ZPLD1: variants seen among roughly 807,000 people sequenced by gnomAD.
ZPLD1 encodes zona pellucida-like domain-containing protein 1.
Under a neutral mutation model 47.2 loss-of-function variants are expected in ZPLD1, and 34 were observed. The ratio of observed to expected loss-of-function variants is 0.72; its 90% confidence interval spans 0.55 to 0.96. The LOEUF (loss-of-function observed/expected upper bound fraction) is 0.96, where lower values mean the gene tolerates loss of function less well. ZPLD1 is among the 40% of genes least tolerant of loss of function. ZPLD1 has a pLI of 0.00. For synonymous variants in ZPLD1, 176 were observed against 186.2 expected (o/e 0.95, Z 0.45); for missense variants, 512 against 505.8 (o/e 1.01, Z -0.12).
intron 10 of ZPLD1, among the ~76,000 whole-genome samples, chr3:102,472,156 T>C (rs965238822): frequency 5.9e-5 from 9 of 152,220 alleles, no homozygotes; most frequent in African/African-American, 1.9e-4. Flanking sequence ...CTTTCAATAA[T>C]GCAGAAATAT....
rs533701655 is a variant in ZPLD1, at chr3:102,463,028, T to C, written c.680+650T>C. On this transcript the variant is annotated intron_variant, in intron 7 of 11. Coordinates refer to ENST00000466937, the MANE Select transcript of ZPLD1 (RefSeq NM_001329788.2). ...TCTATAAATTTAGTTCTTCTTTACC[T>C]TCTCCCTTCCTGTCCTGAAGAATAT... 4.6e-5 allele frequency among the ~76,000 whole-genome samples: 7 copies of C among 152,338 alleles called. No individual in the cohort carries two copies. The East Asian group carries it at 1.2e-3, about 25-fold the overall frequency.
intron 6 of ZPLD1, among the ~76,000 whole-genome samples, chr3:102,387,093 T>C (rs112563444): frequency 0.021 from 3,148 of 152,286 alleles, 102 homozygotes; most frequent in African/African-American, 0.071. Flanking sequence ...ACTGGTTACT[T>C]CTGATTTTAA....
rs145500020 is a variant in ZPLD1 at position 102,477,617 on chromosome 3, G to C, written c.1247G>C (p.Ter416SerextTer2). 3.1e-6 allele frequency: 5 copies of C among 1,608,318 alleles called. No homozygotes were observed. Among genetic ancestry groups the C allele is most frequent in the Non-Finnish European group, 4.2e-6 (5 of 1,177,804 alleles). Residue 416 changes from the stop codon to serine (S), a stop_lost, in exon 12 of 12, where the codon TGA (stop) becomes TCA (serine). Transcript: ENST00000466937. ...GGCATAAGAAACCCAGTCTTTGACT[G>C]ACTATAACAGATTCCTGCTCTCTGG... ...LNGIRNPVFD[*>S]
At chr3:102,477,317 A>T (rs1707772836) in intron 11 of ZPLD1, 126 bp from the exon 12 acceptor site, 2 of 1,078,962 alleles carry the variant, frequency 1.9e-6, no homozygotes, top group African/African-American at 3.2e-5. Context: ...AGATTGTAAC[A>T]CAATTCAGTG....
intron 3 of ZPLD1, among the ~76,000 whole-genome samples, chr3:102,450,384 C>T (rs1978766): frequency 0.15 from 22,487 of 152,174 alleles, 2,135 homozygotes; most frequent in Middle Eastern, 0.24. Flanking sequence ...CAATTGTTCT[C>T]GTGCTCCTAT....
intron 10 of ZPLD1, among the ~76,000 whole-genome samples, chr3:102,473,783 T>A (rs752668904): frequency 6.6e-6 from 1 of 152,212 alleles, no homozygotes. Flanking sequence ...ATGCAAATCC[T>A]GTGCAAACTT....
At chr3:102,446,494 T>C (rs1707257352) in intron 3 of ZPLD1, among the ~76,000 whole-genome samples, 2 of 152,204 alleles carry the variant, frequency 1.3e-5, no homozygotes, top group East Asian at 3.9e-4. Context: ...AGACTCATAT[T>C]TCCAACTATC....
At chr3:102,434,616 A>G (rs1707058502), upstream of ZPLD1, among the ~76,000 whole-genome samples, 1 of 152,198 alleles carries the variant, frequency 6.6e-6, no homozygotes, top group African/African-American at 2.4e-5. Context: ...TCTAAATAAG[A>G]AACACATACA....
intron 6 of ZPLD1, among the ~76,000 whole-genome samples, chr3:102,389,646 T>G (rs1485989273): frequency 6.6e-6 from 1 of 152,196 alleles, no homozygotes; most frequent in Non-Finnish European, 1.5e-5. Flanking sequence ...GAGACATAAC[T>G]CAGAGAAAGT....
At chr3:102,439,774 T>C (rs1313843292) in intron 3 of ZPLD1, among the ~76,000 whole-genome samples, 3 of 152,212 alleles carry the variant, frequency 2.0e-5, no homozygotes, top group Admixed American at 6.5e-5. Context: ...GGAAAAGAAC[T>C]TAAAAATCAT....
At chr3:102,470,725 TACACACAC>T (rs149917091) in intron 10 of ZPLD1, among the ~76,000 whole-genome samples, 2 of 148,780 alleles carry the variant, frequency 1.3e-5, no homozygotes, top group East Asian at 2.0e-4. Context: ...CACACACACA[TACACACAC>T]ACACACACAC....
chr3:102,454,421 T>C (rs1707382219), intron 4 of ZPLD1, among the ~76,000 whole-genome samples: 1 of 152,178 alleles, frequency 6.6e-6, no homozygotes, highest in African/African-American at 2.4e-5. Flanking sequence ...TCTCCCACCA[T>C]GCCCTGAAGC....
At chr3:102,477,117 T>C in intron 11 of ZPLD1, 76 bp downstream of exon 11, 2 of 1,525,776 alleles carry the variant, frequency 1.3e-6, no homozygotes, top group African/African-American at 2.7e-5. Flanking sequence ...CATCTAAGTG[T>C]AATGAGCTTG....
Position 102,477,604 on chromosome 3 carries a change from C to T in ZPLD1, c.1234C>T (p.Pro412Ser). 2 of 1,612,468 alleles carry T rather than the reference C, an allele frequency of 1.2e-6. No homozygotes were observed. Among genetic ancestry groups the T allele is most frequent in the Non-Finnish European group, 1.7e-6 (2 of 1,179,262 alleles). ...TTTAGTGTTGAATGGCATAAGAAACCCAGTCTTTGACTGACTATAACAGAT... is the reference window on the plus strand; with the variant it reads ...TTTAGTGTTGAATGGCATAAGAAACTCAGTCTTTGACTGACTATAACAGAT... Reference protein sequence around the residue: ...TSLVLNGIRNPVFD With the variant: ...TSLVLNGIRNSVFD Residue 412 changes from proline (P) to serine (S), a missense_variant, in exon 12 of 12, where the codon CCA (proline) becomes TCA (serine). Physicochemically the swap from Pro to Ser is moderately conservative, Grantham distance 74. Transcript: ENST00000466937.
chr3:102,456,766 A>G (rs902429058), intron 5 of ZPLD1, among the ~76,000 whole-genome samples: 3 of 152,158 alleles, frequency 2.0e-5, no homozygotes, highest in Non-Finnish European at 2.9e-5. Context: ...ACATTTGGTA[A>G]CTACATTGCT....
intron 7 of ZPLD1, among the ~76,000 whole-genome samples, chr3:102,411,894 A>G (rs1706751317): frequency 6.6e-6 from 1 of 151,768 alleles, no homozygotes; most frequent in African/African-American, 2.4e-5. Context: ...CTCTCTATCA[A>G]TTTATATATC....
chr3:102,462,996 G>A (rs571657883), intron 7 of ZPLD1, among the ~76,000 whole-genome samples: 3 of 152,026 alleles, frequency 2.0e-5, no homozygotes, highest in Non-Finnish European at 4.4e-5. Context: ...TGAAGAGATT[G>A]GTATACTCTA....
At chr3:102,385,702 C>A (rs535031509) in intron 6 of ZPLD1, among the ~76,000 whole-genome samples, 1 of 152,248 alleles carries the variant, frequency 6.6e-6, no homozygotes, top group Admixed American at 6.5e-5. Flanking sequence ...AATCATGTGC[C>A]AAAATCGCCA....
chr3:102,453,043 C>T lies in ZPLD1; in HGVS notation c.231C>T (p.Ser77=), dbSNP rs1252069137. Residue 77 remains serine, a synonymous_variant, in exon 4 of 12, where the codon TCC becomes TCT. Transcript: ENST00000466937. ...DLALNGRHGD[S]HCRGFINNNT... ...CACTGAATGGAAGGCATGGGGACTC[C>T]CACTGCAGAGGGTTCATCAATAACA... 1 of 1,613,948 alleles carries T rather than the reference C, an allele frequency of 6.2e-7. No homozygotes were observed. Among genetic ancestry groups the T allele is most frequent in the East Asian group, 2.2e-5 (1 of 44,886 alleles).
Sources: allele counts gnomAD v4.1 joint callset (sites outside exome capture counted in the v4.1 genomes callset), GRCh38; gene constraint gnomAD v4.1.1; transcripts MANE v1.5; gene names NCBI Gene and HGNC (gene_info 2026-07-23, HGNC 2026-07-21).